INTS6L: variants seen among roughly 807,000 people sequenced by gnomAD.
INTS6L encodes the protein integrator complex subunit 6 like, also known as integrator complex subunit 6-like.
In INTS6L, 18 loss-of-function variants were observed where a neutral mutation model predicts 64.7. That is an observed-to-expected ratio of 0.28 (90% CI 0.19 to 0.41). The LOEUF (loss-of-function observed/expected upper bound fraction) is 0.41. INTS6L is among the 10% of genes least tolerant of loss of function. INTS6L has a pLI of 1.00. For synonymous variants in INTS6L, 227 were observed against 235.9 expected (o/e 0.96, Z 0.34); for missense variants, 533 against 661.0 (o/e 0.81, Z 2.12).
chrX:135,554,530 A>G (rs1259547981), intron 8 of INTS6L, among the ~76,000 whole-genome samples: 3 of 111,972 alleles, frequency 2.7e-5, no homozygotes, highest in African/African-American at 3.2e-5. Context: ...TAGTGATAAT[A>G]TTATAAGAAG....
At chrX:135,556,064 C>A in intron 8 of INTS6L, 104 bp from the exon 9 acceptor site, 1 of 843,085 alleles carries the variant, frequency 1.2e-6, no homozygotes, top group Non-Finnish European at 1.6e-6. Flanking sequence ...TTTAAAATTA[C>A]AATCAAATTG....
rs2298302 is a variant in INTS6L at position 135,579,936 on chromosome X, C to T, written c.2268C>T (p.Asp756=). Residue 756 remains aspartate (D), a synonymous_variant, in exon 16 of 18, where the codon GAC becomes GAT. Coordinates refer to ENST00000639893, the MANE Select transcript of INTS6L (RefSeq NM_001351601.3). ...CCAACCAAGTGGATTCTCTGTCTGACGACTTCACAAGTCTCAGCAAAGATG... is the reference window on the plus strand; with the variant it reads ...CCAACCAAGTGGATTCTCTGTCTGATGACTTCACAAGTCTCAGCAAAGATG... The part of the protein sequence containing the change: ...MPPNQVDSLS[D]DFTSLSKDGL... The T allele has an allele frequency of 0.043, 52,071 of 1,209,460 alleles. 2,010 individuals carry two copies. Among genetic ancestry groups the T allele is most frequent in the African/African-American group, 0.25 (14,371 of 56,848 alleles).
rs916846465 is a variant in INTS6L, at chrX:135,533,508, G to A, written c.190-11915G>A. Reference sequence around the variant, plus strand: ...GATCATCCCATTACCTATGTGTTAAGCCCAGCATCCATTAGCTATTCTTCC... The same window carrying A: ...GATCATCCCATTACCTATGTGTTAAACCCAGCATCCATTAGCTATTCTTCC... On this transcript the variant is annotated intron_variant, in intron 2 of 17. Coordinates refer to ENST00000639893, the MANE Select transcript of INTS6L (RefSeq NM_001351601.3). Among the ~76,000 whole-genome samples the A allele has an allele frequency of 2.7e-5, 3 of 111,150 alleles. No homozygotes were observed. In the South Asian group the frequency reaches 1.1e-3, roughly 42 times the overall value.
At chrX:135,533,353 AC>A in intron 2 of INTS6L, among the ~76,000 whole-genome samples, 1 of 112,201 alleles carries the variant, frequency 8.9e-6, no homozygotes, top group Non-Finnish European at 1.9e-5. Context: ...TGTTACTTTT[AC>A]CACGTAAAAA....
At chrX:135,569,253 G>C (rs1211407786) in intron 9 of INTS6L, 84 bp from the exon 10 acceptor site, 2 of 542,013 alleles carry the variant, frequency 3.7e-6, no homozygotes, top group Non-Finnish European at 5.4e-6. Flanking sequence ...TACATTAAAA[G>C]CTGAAGTTTC....
intron 11 of INTS6L, 172 bp from the exon 12 acceptor site, chrX:135,572,643 G>C: frequency 5.0e-6 from 2 of 402,025 alleles, no homozygotes; most frequent in Non-Finnish European, 8.5e-6. Context: ...CCCCCTATCT[G>C]TTTGCTGTGA....
At chrX:135,552,328 A>C (rs2148627769) in intron 8 of INTS6L, among the ~76,000 whole-genome samples, 182 bp downstream of exon 8, 1 of 112,359 alleles carries the variant, frequency 8.9e-6, no homozygotes, top group South Asian at 3.7e-4. Context: ...ATGAATCATT[A>C]GTCTACTGTA....
chrX:135,576,163 C>T (rs781788399), intron 14 of INTS6L, among the ~76,000 whole-genome samples: 1 of 110,480 alleles, frequency 9.1e-6, no homozygotes, highest in East Asian at 2.9e-4. Flanking sequence ...CCTGTCTCTA[C>T]TAAAAATACA....
chrX:135,566,657 G>C (rs1487439425), intron 9 of INTS6L, among the ~76,000 whole-genome samples: 12 of 111,965 alleles, frequency 1.1e-4, no homozygotes, highest in Admixed American at 9.5e-4. Flanking sequence ...AAGCTTAATT[G>C]TATCAATGAG....
chrX:135,564,796 G>A (rs1217599893), intron 9 of INTS6L, among the ~76,000 whole-genome samples: 1 of 108,977 alleles, frequency 9.2e-6, no homozygotes, highest in Non-Finnish European at 1.9e-5. Context: ...TTTTTTTCCT[G>A]TACATTTTCA....
At chrX:135,527,890 G>A (rs2085783495) in intron 2 of INTS6L, among the ~76,000 whole-genome samples, 1 of 110,569 alleles carries the variant, frequency 9.0e-6, no homozygotes, top group Admixed American at 9.6e-5. Context: ...GGAAAGGGCA[G>A]ATATTTTTTC....
Position 135,571,704 on chromosome X carries a change from T to C in INTS6L, c.1399-1111T>C, listed in dbSNP as rs1165166151. 8.0e-5 allele frequency: 9 copies of C among 112,304 alleles called. No homozygotes were observed. The Admixed American group carries it at 8.5e-4, about 11-fold the overall frequency. 9.3% of individuals were successfully genotyped at this position (112,304 alleles called of 1,213,427 possible). ...TTTGGTTTGGTTATTTATTTATTTA[T>C]CTATCTATTGATCTATCGATTTTTT... On this transcript the variant is annotated intron_variant, in intron 11 of 17. Coordinates refer to ENST00000639893, the MANE Select transcript of INTS6L (RefSeq NM_001351601.3).
chrX:135,544,509 C>G (rs2086306003), intron 2 of INTS6L, among the ~76,000 whole-genome samples: 1 of 111,251 alleles, frequency 9.0e-6, no homozygotes, highest in African/African-American at 3.3e-5. Context: ...TAGCATATCA[C>G]ACTGCTGCTC....
chrX:135,565,943 T>G, intron 9 of INTS6L, among the ~76,000 whole-genome samples: 1 of 111,950 alleles, frequency 8.9e-6, no homozygotes, highest in African/African-American at 3.2e-5. Context: ...GAGTATAGGG[T>G]TTTTAACACC....
chrX:135,574,025 G>C lies in INTS6L; in HGVS notation c.1704G>C (p.Leu568=). The C allele has an allele frequency of 8.3e-7, 1 of 1,203,298 alleles. No homozygotes were observed. Among genetic ancestry groups the C allele is most frequent in the Non-Finnish European group, 1.1e-6 (1 of 892,812 alleles). The change falls in exon 13 of 18, where the codon CTG becomes CTC. Residue 568 remains leucine, a synonymous_variant. Coordinates refer to ENST00000639893, the MANE Select transcript of INTS6L (RefSeq NM_001351601.3). ...AGCTGACCAGAATGAGATCCAATCT[G>C]CTGAAAACGCACAAGTTTATTGTTG... ...LDQLTRMRSN[L]LKTHKFIVGQ... is the part of the protein sequence containing the mutation.
Position 135,581,672 on chromosome X carries a change from T to C in INTS6L, c.*36T>C, listed in dbSNP as rs782606757. On this transcript the variant is annotated 3_prime_UTR_variant, in exon 18 of 18. Transcript: ENST00000639893. The stretch of plus-strand genomic sequence containing the variant: ...AGTGAGAAAAAAATGACAAGTTTTC[T>C]GTGCTGTAGGATGGAACAGGATATT... 1.8e-6 allele frequency: 2 copies of C among 1,110,175 alleles called. No homozygotes were observed. The allele number at this position is 1,110,175 out of a possible 1,213,427, so 91.5% of individuals were successfully genotyped here. A position where few individuals can be genotyped will look rare whatever the true frequency, so the allele number is the denominator to read the frequency against.
intron 10 of INTS6L, 186 bp from the exon 11 acceptor site, chrX:135,570,250 T>C (rs2087059561): frequency 5.9e-6 from 2 of 341,004 alleles, no homozygotes; most frequent in Non-Finnish European, 9.9e-6. Context: ...TTCTGATTTT[T>C]TTTTACTTTC....
At chrX:135,580,809 C>T (rs1486726025) in intron 16 of INTS6L, among the ~76,000 whole-genome samples, 1 of 112,600 alleles carries the variant, frequency 8.9e-6, no homozygotes, top group East Asian at 2.8e-4. Flanking sequence ...AATGTATTCA[C>T]AGGTTCCAGG....
chrX:135,564,118 T>C (rs2086870166), intron 9 of INTS6L, among the ~76,000 whole-genome samples: 1 of 111,792 alleles, frequency 8.9e-6, no homozygotes, highest in African/African-American at 3.3e-5. Flanking sequence ...TTCTATTTTC[T>C]CTGTTATTCA....
Sources: allele counts gnomAD v4.1 joint callset (sites outside exome capture counted in the v4.1 genomes callset), GRCh38; gene constraint gnomAD v4.1.1; transcripts MANE v1.5; gene names NCBI Gene and HGNC (gene_info 2026-07-23, HGNC 2026-07-21).